The following AUTS2 variants were observed in gnomAD, a reference collection of about 807,000 sequenced individuals.
The protein encoded by AUTS2 is activator of transcription and developmental regulator AUTS2.
Under a neutral mutation model 112.4 loss-of-function variants are expected in AUTS2, and 17 were observed. The ratio of observed to expected loss-of-function variants is 0.15; its 90% confidence interval spans 0.10 to 0.23. The LOEUF (loss-of-function observed/expected upper bound fraction) is 0.23, where lower values mean the gene tolerates loss of function less well. AUTS2 is among the 10% of genes least tolerant of loss of function. AUTS2 has a pLI of 1.00. For synonymous variants in AUTS2, 751 were observed against 702.7 expected, an observed-to-expected ratio of 1.07 and a Z score of -1.09; for missense variants, 1,510 against 1,701.6, an observed-to-expected ratio of 0.89 and a Z score of 1.98.
chr7:69,972,666 CGTGCATGTGTGTGTGTGTGT>C (rs1477870681), intron 2 of AUTS2, among the ~76,000 whole-genome samples: 3 of 131,782 alleles, frequency 2.3e-5, no homozygotes, highest in Admixed American at 2.2e-4. Context: ...TGTGTGTGTG[CGTGCATGTGTGTGTGTGTGT>C]GTGTGTGTGT....
chr7:70,035,201 C>T (rs1343106018), intron 2 of AUTS2, among the ~76,000 whole-genome samples: 1 of 152,156 alleles, frequency 6.6e-6, no homozygotes, highest in Non-Finnish European at 1.5e-5. Context: ...ATGTGAGCTG[C>T]ATGTGAATTT....
chr7:70,752,218 G>A (rs1788910853), intron 6 of AUTS2, among the ~76,000 whole-genome samples: 1 of 152,082 alleles, frequency 6.6e-6, no homozygotes, highest in South Asian at 2.1e-4. Flanking sequence ...CTTATCCAGA[G>A]GAAGCAGCTA....
At chr7:70,491,861 C>T (rs558254487) in intron 5 of AUTS2, among the ~76,000 whole-genome samples, 60 of 152,152 alleles carry the variant, frequency 3.9e-4, no homozygotes, top group Middle Eastern at 3.4e-3. Flanking sequence ...GTAATCCGCC[C>T]GCCTCGGCCT....
intron 1 of AUTS2, among the ~76,000 whole-genome samples, chr7:69,823,929 C>T (rs567576004): frequency 1.1e-4 from 16 of 152,052 alleles, no homozygotes; most frequent in Non-Finnish European, 1.9e-4. Flanking sequence ...AAGAGACAGC[C>T]GGACTTGAAA....
chr7:70,636,252 TC>T (rs1805529594), intron 5 of AUTS2, among the ~76,000 whole-genome samples: 1 of 152,192 alleles, frequency 6.6e-6, no homozygotes, highest in Non-Finnish European at 1.5e-5. Flanking sequence ...CAGCATGTTC[TC>T]CAGGTGTGGT....
chr7:69,890,777 G>C (rs1794485725), intron 1 of AUTS2, among the ~76,000 whole-genome samples: 2 of 151,868 alleles, frequency 1.3e-5, no homozygotes, highest in Non-Finnish European at 2.9e-5. Flanking sequence ...AGACATTCGT[G>C]TTCACAACTG....
At chr7:70,078,000 T>G (rs1803118565) in intron 2 of AUTS2, among the ~76,000 whole-genome samples, 1 of 152,196 alleles carries the variant, frequency 6.6e-6, no homozygotes, top group Non-Finnish European at 1.5e-5. Context: ...TTCTTTGATG[T>G]TTGGTACATG....
At chr7:70,675,415 G>A (rs1807860087) in intron 5 of AUTS2, among the ~76,000 whole-genome samples, 1 of 152,146 alleles carries the variant, frequency 6.6e-6, no homozygotes, top group South Asian at 2.1e-4. Context: ...ATTGCTTGAT[G>A]AGCCCAGGAG....
chr7:69,680,610 G>C (rs906833007), intron 1 of AUTS2, among the ~76,000 whole-genome samples: 1 of 152,046 alleles, frequency 6.6e-6, no homozygotes, highest in Non-Finnish European at 1.5e-5. Flanking sequence ...CCCCTCCCTT[G>C]TTCCCTCCAG....
chr7:69,697,898 C>G (rs1797624041), intron 1 of AUTS2, among the ~76,000 whole-genome samples: 1 of 152,166 alleles, frequency 6.6e-6, no homozygotes. Flanking sequence ...TTTTCCTTCA[C>G]TTCTTCAAGT....
chr7:70,462,052 G>A (rs1041097772), intron 5 of AUTS2, among the ~76,000 whole-genome samples: 1 of 152,284 alleles, frequency 6.6e-6, no homozygotes, highest in Admixed American at 6.5e-5. Context: ...AGGAGTTTGA[G>A]ACCAGCCTGG....
chr7:70,416,127 C>G (rs867236535), intron 4 of AUTS2, among the ~76,000 whole-genome samples: 20 of 152,084 alleles, frequency 1.3e-4, no homozygotes, highest in African/African-American at 4.3e-4. Flanking sequence ...CTCAGATTTT[C>G]TCTTAGATGC....
intron 4 of AUTS2, among the ~76,000 whole-genome samples, chr7:70,198,357 C>A (rs1810303554): frequency 6.6e-6 from 1 of 151,750 alleles, no homozygotes; most frequent in African/African-American, 2.4e-5. Context: ...TTTTGACAAG[C>A]TGAGAGAAGA....
At chr7:69,921,256 T>C (rs1372502964) in intron 2 of AUTS2, among the ~76,000 whole-genome samples, 1 of 151,804 alleles carries the variant, frequency 6.6e-6, no homozygotes, top group Non-Finnish European at 1.5e-5. Flanking sequence ...AAGGACAAAA[T>C]TTCCAAAGCA....
chr7:70,009,514 G>A (rs1350440231), intron 2 of AUTS2, among the ~76,000 whole-genome samples: 1 of 152,190 alleles, frequency 6.6e-6, no homozygotes, highest in African/African-American at 2.4e-5. Flanking sequence ...AGCCTTAGTA[G>A]TGACCTAGAT....
intron 6 of AUTS2, among the ~76,000 whole-genome samples, chr7:70,727,960 C>G (rs754706612): frequency 2.0e-5 from 3 of 152,142 alleles, no homozygotes; most frequent in Non-Finnish European, 4.4e-5. Flanking sequence ...ATGTTCCCCT[C>G]CTCTGGGAAT....
intron 1 of AUTS2, among the ~76,000 whole-genome samples, chr7:69,808,903 AC>A (rs937008043): frequency 6.6e-6 from 1 of 152,110 alleles, no homozygotes; most frequent in Non-Finnish European, 1.5e-5. Flanking sequence ...TTTGCAAAGA[AC>A]AATCATTTGC....
rs556768648 is a variant in AUTS2, at chr7:70,635,250, A to G, written c.691-63319A>G. On this transcript the variant is annotated intron_variant, in intron 5 of 18. Transcript: ENST00000342771. ...AACCACAAAGGCACAAGCCCTTTCA[A>G]GGACATGACATTCAGATGTGCCTCT... Among the ~76,000 whole-genome samples the G allele has an allele frequency of 1.2e-4, 19 of 152,292 alleles. No individual in the cohort carries two copies. In the South Asian group the frequency reaches 3.7e-3, roughly 30 times the overall value.
At chr7:69,720,180 C>T (rs1487055959) in intron 1 of AUTS2, among the ~76,000 whole-genome samples, 3 of 152,154 alleles carry the variant, frequency 2.0e-5, no homozygotes, top group African/African-American at 7.2e-5. Context: ...GAATCTCAGC[C>T]AGCAGAGAAC....
Sources: gnomAD v4.1 joint callset for allele counts (sites outside exome capture counted in the v4.1 genomes callset) on GRCh38, gnomAD v4.1.1 for gene constraint, MANE v1.5 for transcripts, NCBI Gene and HGNC (gene_info 2026-07-23, HGNC 2026-07-21) for gene names.